KIAA2012: variants seen among roughly 807,000 people sequenced by gnomAD.
KIAA2012 encodes the protein KIAA2012.
A neutral mutation model predicts 150.6 loss-of-function variants in KIAA2012; 125 were observed. The observed-to-expected ratio is 0.83, with a 90% CI of 0.72 to 0.96. KIAA2012 has a LOEUF of 0.96. Ranked by LOEUF, KIAA2012 falls within the 40% of genes least tolerant of loss-of-function variation. KIAA2012 has a pLI of 0.00. For missense variants in KIAA2012, 1,219 were observed against 1,354.9 expected, an observed-to-expected ratio of 0.90 and a Z score of 1.57; for synonymous variants, 462 against 504.7, an observed-to-expected ratio of 0.92 and a Z score of 1.13.
intron 15 of KIAA2012, chr2:202,180,063 G>C: frequency 5.0e-6 from 2 of 398,732 alleles, no homozygotes; most frequent in South Asian, 2.0e-5. Flanking sequence ...CCTGAGGTCG[G>C]GAGTTCAAGA....
chr2:202,187,585 G>T (rs1265008369), intron 17 of KIAA2012, among the ~76,000 whole-genome samples: 1 of 152,174 alleles, frequency 6.6e-6, no homozygotes, highest in Non-Finnish European at 1.5e-5. Flanking sequence ...GGGATTACAG[G>T]CGTGAGCCAC....
rs1400111351 is a variant in KIAA2012, at chr2:202,120,533, A to G, written c.1763-4681A>G. On this transcript the variant is annotated intron_variant, in intron 11 of 23. Transcript: ENST00000498697. ...AGGCCAGAGCTTTTCCCACTGCATC[A>G]CACAGCTTCTAGTCCCTCTTATCCA... Among the ~76,000 whole-genome samples the G allele has an allele frequency of 3.9e-5, 6 of 152,158 alleles. No individual in the cohort carries two copies. The East Asian group carries it at 5.8e-4, about 15-fold the overall frequency.
In KIAA2012 at chr2:202,097,668, C is replaced by A; in HGVS notation, c.828+91C>A. ...GCAATGGCAGAATTTTGGCTCACTG[C>A]AACCTCCGCCTCCTGGGTTCAAGCA... On this transcript the variant is annotated intron_variant, in intron 5 of 23. Coordinates refer to ENST00000498697, the MANE Select transcript of KIAA2012 (RefSeq NM_001277372.4). 2.9e-6 allele frequency: 4 copies of A among 1,370,940 alleles called. No individual in the cohort carries two copies. In the South Asian group the frequency reaches 4.2e-5, roughly 14 times the overall value. 84.9% of individuals were successfully genotyped at this position (1,370,940 alleles called of 1,614,324 possible).
chr2:202,111,408 G>A (rs368584253), intron 10 of KIAA2012, among the ~76,000 whole-genome samples: 4 of 150,154 alleles, frequency 2.7e-5, no homozygotes, highest in African/African-American at 9.8e-5. Flanking sequence ...TACTCAGGAG[G>A]CTGAGGCAGG....
intron 19 of KIAA2012, among the ~76,000 whole-genome samples, chr2:202,190,951 G>A (rs1692317840): frequency 6.6e-6 from 1 of 152,172 alleles, no homozygotes; most frequent in South Asian, 2.1e-4. Flanking sequence ...CTGGAATAGA[G>A]AGAGGCAGCC....
Position 202,154,770 on chromosome 2 carries a change from ACACGCGCAAGC to A in KIAA2012, c.2007_2017del (p.Thr670AlafsTer43). 1 of 1,550,234 alleles carries A rather than the reference ACACGCGCAAGC, an allele frequency of 6.5e-7. No individual in the cohort carries two copies. The highest frequency in any genetic ancestry group is 1.2e-5 in the South Asian group (1 of 83,904). On this transcript the variant is annotated frameshift_variant, in exon 14 of 24. Coordinates refer to ENST00000498697, the MANE Select transcript of KIAA2012 (RefSeq NM_001277372.4). LOFTEE classifies it high-confidence loss of function. ...ATATGTTCAAACAGAAAAGAATTTT[ACACGCGCAAGC>A]TGCACATCGACATGACGCCGTTCCT...
chr2:202,080,409 T>C (rs1400325112), intron 2 of KIAA2012, among the ~76,000 whole-genome samples: 1 of 152,122 alleles, frequency 6.6e-6, no homozygotes, highest in Non-Finnish European at 1.5e-5. Context: ...TAACAATGAC[T>C]GGGGCCGGGC....
Position 202,177,451 on chromosome 2 carries a change from G to T in KIAA2012, c.2120-7302G>T, listed in dbSNP as rs115388186. 3.0e-3 allele frequency among the ~76,000 whole-genome samples: 454 copies of T among 152,318 alleles called. 2 individuals are homozygous for T. Among genetic ancestry groups the T allele is most frequent in the African/African-American group, 0.01 (418 of 41,566 alleles). On this transcript the variant is annotated intron_variant, in intron 15 of 23. Coordinates refer to ENST00000498697, the MANE Select transcript of KIAA2012 (RefSeq NM_001277372.4). ...ATGAAGAACAGAACAGTCTCCCACA[G>T]TTCTGGAGGCTGAGAAGCCCAAGAT...
At chr2:202,097,292 A>C in intron 4 of KIAA2012, 143 bp from the exon 5 acceptor site, 1 of 1,355,242 alleles carries the variant, frequency 7.4e-7, no homozygotes, top group Non-Finnish European at 9.9e-7. Context: ...ACTATCAGAA[A>C]TACAAAATAA....
At chr2:202,201,491 G>C in intron 22 of KIAA2012, 1 of 1,602,438 alleles carries the variant, frequency 6.2e-7, no homozygotes. Flanking sequence ...CACTGGGAGG[G>C]CATCCAGGAG....
chr2:202,182,875 G>T (rs900234833), intron 15 of KIAA2012, among the ~76,000 whole-genome samples: 10 of 152,146 alleles, frequency 6.6e-5, no homozygotes, highest in African/African-American at 2.4e-4. Flanking sequence ...GTTATGAGTT[G>T]ACTGTGGGGG....
At chr2:202,113,873 C>T (rs1035202448) in intron 11 of KIAA2012, 3 of 154,658 alleles carry the variant, frequency 1.9e-5, no homozygotes, top group African/African-American at 7.2e-5. Context: ...AATCATCTGG[C>T]TCCTACAGAT....
chr2:202,125,303 G>A (rs983080756), intron 12 of KIAA2012, 21 bp downstream of exon 12: 2 of 1,530,194 alleles, frequency 1.3e-6, no homozygotes, highest in Admixed American at 2.0e-5. Context: ...CCACTAAAAA[G>A]TCACCTCGAC....
Position 202,073,440 on chromosome 2 carries a change from T to A in KIAA2012, c.-188T>A, listed in dbSNP as rs1296877240. 10 of 548,578 alleles carry A rather than the reference T, an allele frequency of 1.8e-5. No homozygotes were observed. The South Asian group carries it at 2.7e-4, about 15-fold the overall frequency. The allele number at this position is 548,578 out of a possible 1,614,324, so 34.0% of individuals were successfully genotyped here. A position where few individuals can be genotyped will look rare whatever the true frequency, so the allele number is the denominator to read the frequency against. On this transcript the variant is annotated 5_prime_UTR_variant, in exon 1 of 24. Coordinates refer to ENST00000498697, the MANE Select transcript of KIAA2012 (RefSeq NM_001277372.4). ...TTTTTCTCTCCACAAAGACACACAC[T>A]GTCTAAACTGTGTGGCTGGTTGTTA... is the stretch of plus-strand genomic sequence containing the variant.
intron 13 of KIAA2012, among the ~76,000 whole-genome samples, chr2:202,146,913 T>G (rs1176151734): frequency 2.6e-5 from 4 of 152,208 alleles, no homozygotes; most frequent in African/African-American, 9.6e-5. Context: ...AATATTTCCC[T>G]CATGGGGTCA....
intron 2 of KIAA2012, chr2:202,077,161 T>G (rs1049592736): frequency 9.7e-6 from 4 of 413,540 alleles, no homozygotes; most frequent in East Asian, 7.2e-5. Flanking sequence ...CTTCCTGATG[T>G]TACTGATCTC....
At chr2:202,107,388 C>G (rs1315138649) in intron 9 of KIAA2012, among the ~76,000 whole-genome samples, 1 of 152,128 alleles carries the variant, frequency 6.6e-6, no homozygotes, top group Non-Finnish European at 1.5e-5. Context: ...ATCCTAAAGA[C>G]TTTAATGTTT....
Position 202,202,582 on chromosome 2 carries a change from T to G in KIAA2012, c.*15T>G. The G allele has an allele frequency of 2.5e-6, 1 of 398,890 alleles. No individual in the cohort carries two copies. The highest frequency in any genetic ancestry group is 4.4e-6 in the Non-Finnish European group (1 of 226,014). The allele number at this position is 398,890 out of a possible 1,614,324, so 24.7% of individuals were successfully genotyped here. A position where few individuals can be genotyped will look rare whatever the true frequency, so the allele number is the denominator to read the frequency against. On this transcript the variant is annotated 3_prime_UTR_variant, in exon 23 of 24. Coordinates refer to ENST00000498697, the MANE Select transcript of KIAA2012 (RefSeq NM_001277372.4). ...CCAGGCCTTAAGGCTAGAAGAAAAC[T>G]AAAAAGTAAGTTGGGAGATGGTGAA...
At chr2:202,125,477 C>A (rs1158584592) in intron 12 of KIAA2012, among the ~76,000 whole-genome samples, 195 bp downstream of exon 12, 2 of 152,156 alleles carry the variant, frequency 1.3e-5, no homozygotes, top group Non-Finnish European at 2.9e-5. Context: ...GCCCCGTGGT[C>A]TGAGTGTAAA....
Sources: allele counts gnomAD v4.1 joint callset (sites outside exome capture counted in the v4.1 genomes callset), GRCh38; gene constraint gnomAD v4.1.1; transcripts MANE v1.5; gene names NCBI Gene and HGNC (gene_info 2026-07-23, HGNC 2026-07-21).